AMBRA1: variants seen among roughly 807,000 people sequenced by gnomAD.
The protein encoded by AMBRA1 is activating molecule in BECN1-regulated autophagy protein 1.
AMBRA1 carries 47 observed loss-of-function variants against 125.4 expected under a neutral mutation model. The observed-to-expected ratio is 0.37, with a 90% CI of 0.30 to 0.48. AMBRA1 has a LOEUF of 0.48. Ranked by LOEUF, AMBRA1 falls within the 20% of genes least tolerant of loss-of-function variation. AMBRA1 has a pLI of 0.99. For synonymous variants in AMBRA1, 626 were observed against 655.5 expected (o/e 0.95, Z 0.69); for missense variants, 1,331 against 1,693.4 (o/e 0.79, Z 3.76).
chr11:46,546,753 T>C (rs969416656), intron 4 of AMBRA1, among the ~76,000 whole-genome samples: 1 of 152,046 alleles, frequency 6.6e-6, no homozygotes, highest in Non-Finnish European at 1.5e-5. Context: ...AAAAAACCAA[T>C]GGTAAACAAG....
intron 7 of AMBRA1, among the ~76,000 whole-genome samples, chr11:46,536,305 A>G (rs1245930385): frequency 6.6e-6 from 1 of 152,216 alleles, no homozygotes; most frequent in East Asian, 1.9e-4. Flanking sequence ...GTAAACAAAT[A>G]ATTTTCTGTC....
intron 1 of AMBRA1, among the ~76,000 whole-genome samples, chr11:46,593,005 G>A (rs928455301): frequency 2.0e-5 from 3 of 149,198 alleles, no homozygotes; most frequent in Admixed American, 2.0e-4. Flanking sequence ...AAGGTTATCA[G>A]GAAACAAAGT....
intron 8 of AMBRA1, among the ~76,000 whole-genome samples, chr11:46,509,339 T>C (rs955951807): frequency 6.6e-6 from 1 of 152,150 alleles, no homozygotes; most frequent in Non-Finnish European, 1.5e-5. Context: ...ACTGAAAACA[T>C]GAGAGGAACA....
chr11:46,569,403 T>C (rs1406424210), intron 1 of AMBRA1, among the ~76,000 whole-genome samples: 3 of 143,820 alleles, frequency 2.1e-5, no homozygotes, highest in Non-Finnish European at 4.5e-5. Flanking sequence ...CTTTTTCACC[T>C]ATTATCACTA....
chr11:46,492,729 A>C (rs185030347), intron 11 of AMBRA1, among the ~76,000 whole-genome samples: 1 of 152,288 alleles, frequency 6.6e-6, no homozygotes, highest in Non-Finnish European at 1.5e-5. Context: ...CAGCCGAAAA[A>C]CATCTGTCAC....
chr11:46,436,745 G>T (rs945469931), intron 12 of AMBRA1, among the ~76,000 whole-genome samples: 1 of 152,218 alleles, frequency 6.6e-6, no homozygotes, highest in Non-Finnish European at 1.5e-5. Flanking sequence ...GGAACTGGGA[G>T]AAGTTTCAGA....
chr11:46,513,296 A>C (rs1228406040), intron 7 of AMBRA1, among the ~76,000 whole-genome samples: 1 of 143,962 alleles, frequency 6.9e-6, no homozygotes, highest in Admixed American at 6.9e-5. Flanking sequence ...AGAATTGAGT[A>C]CTCCTCAGAT....
Position 46,443,469 on chromosome 11 carries a change from C to A in AMBRA1, c.2632+19G>T. ...AAATATAACCCTTCCACTGATACCC[C>A]CATTTGACATTGACTTACCATTACT... On this transcript the variant is annotated intron_variant, in intron 12 of 17. Transcript: ENST00000683756. 1.9e-6 allele frequency: 3 copies of A among 1,591,686 alleles called. No individual in the cohort carries two copies. The highest frequency in any genetic ancestry group is 2.6e-6 in the Non-Finnish European group (3 of 1,159,622).
chr11:46,585,875 A>G (rs1287581802), intron 1 of AMBRA1, among the ~76,000 whole-genome samples: 1 of 147,758 alleles, frequency 6.8e-6, no homozygotes, highest in Non-Finnish European at 1.5e-5. Flanking sequence ...GCATGATCTC[A>G]GCTCACCACA....
At chr11:46,410,209 C>G in intron 16 of AMBRA1, 67 bp downstream of exon 16, 1 of 1,484,330 alleles carries the variant, frequency 6.7e-7, no homozygotes, top group Non-Finnish European at 9.4e-7. Flanking sequence ...TGCTTAAGAG[C>G]CCATCAAAAG....
intron 14 of AMBRA1, among the ~76,000 whole-genome samples, chr11:46,426,383 A>T (rs1947137316): frequency 3.9e-5 from 6 of 152,226 alleles, no homozygotes; most frequent in Admixed American, 3.9e-4. Context: ...CGCACTACAG[A>T]GGAAGGGACT....
At chr11:46,481,869 C>T (rs1011028798) in intron 11 of AMBRA1, among the ~76,000 whole-genome samples, 1 of 152,308 alleles carries the variant, frequency 6.6e-6, no homozygotes, top group Non-Finnish European at 1.5e-5. Flanking sequence ...GTAAAAATGA[C>T]AGTGTATCAT....
chr11:46,455,772 A>G (rs557106955), intron 11 of AMBRA1, among the ~76,000 whole-genome samples: 2 of 152,352 alleles, frequency 1.3e-5, no homozygotes, highest in African/African-American at 4.8e-5. Flanking sequence ...TCCAGAGTTC[A>G]GCAATGAGTT....
At chr11:46,431,090 G>A (rs1947436118) in intron 14 of AMBRA1, among the ~76,000 whole-genome samples, 1 of 152,174 alleles carries the variant, frequency 6.6e-6, no homozygotes, top group Non-Finnish European at 1.5e-5. Flanking sequence ...ACCAAGACCT[G>A]GAAAACCAGA....
At position 46,570,703 on chromosome 11, in the gene AMBRA1, T is replaced by C. The variant is rs547362820; in HGVS notation, c.-120-22203A>G. ...TAAGAGATAAACTGTAGGTTAATGATACAACACTGGGTTTTTTCCCTTTAT... is the reference window on the plus strand; with the variant it reads ...TAAGAGATAAACTGTAGGTTAATGACACAACACTGGGTTTTTTCCCTTTAT... On this transcript the variant is annotated intron_variant, in intron 1 of 17. Coordinates refer to ENST00000683756, the MANE Select transcript of AMBRA1 (RefSeq NM_001387011.1). Among the ~76,000 whole-genome samples, 5 of 152,282 alleles carry C rather than the reference T, an allele frequency of 3.3e-5. No individual in the cohort carries two copies. The South Asian group carries it at 1.0e-3, about 32-fold the overall frequency.
chr11:46,546,955 C>T (rs1276594288), intron 4 of AMBRA1, 158 bp downstream of exon 4: 2 of 637,744 alleles, frequency 3.1e-6, no homozygotes, highest in East Asian at 6.0e-5. Flanking sequence ...CCTGTAATCC[C>T]AGCTACTTGG....
intron 11 of AMBRA1, among the ~76,000 whole-genome samples, chr11:46,477,687 T>C (rs1949875422): frequency 6.6e-6 from 1 of 151,546 alleles, no homozygotes; most frequent in South Asian, 2.1e-4. Context: ...TGAATGCACA[T>C]GCCTAGGATA....
intron 11 of AMBRA1, among the ~76,000 whole-genome samples, chr11:46,478,648 C>CTTTTTTTTTTTTTTT (rs11449187): frequency 2.4e-5 from 2 of 82,152 alleles, no homozygotes; most frequent in Admixed American, 1.8e-4. Context: ...TCTTTTTTCT[C>CTTTTTTTTTTTTTTT]TTTTTTTTTT....
chr11:46,497,024 AT>A (rs1346907017), intron 9 of AMBRA1, among the ~76,000 whole-genome samples: 1 of 152,042 alleles, frequency 6.6e-6, no homozygotes, highest in African/African-American at 2.4e-5. Context: ...AGACACAAGA[AT>A]CGCTTGAACC....
Sources: allele counts gnomAD v4.1 joint callset (sites outside exome capture counted in the v4.1 genomes callset), GRCh38; gene constraint gnomAD v4.1.1; transcripts MANE v1.5; gene names NCBI Gene and HGNC (gene_info 2026-07-23, HGNC 2026-07-21).